Variants in CSMD3 observed in about 807,000 individuals in gnomAD.
The protein encoded by CSMD3 is CUB and sushi domain-containing protein 3.
CSMD3 carries 177 observed loss-of-function variants against 435.2 expected under a neutral mutation model. The observed-to-expected ratio is 0.41, with a 90% CI of 0.36 to 0.46. CSMD3 has a LOEUF of 0.46. Ranked by LOEUF, CSMD3 falls within the 20% of genes least tolerant of loss-of-function variation. The pLI, the probability that CSMD3 is intolerant of heterozygous loss-of-function variation, is 0.34. For synonymous variants in CSMD3, 1,656 were observed against 1,520.5 expected (o/e 1.09, Z -2.07); for missense variants, 4,265 against 4,504.6 (o/e 0.95, Z 1.52).
At chr8:113,101,871 A>AT (rs2090341077) in intron 4 of CSMD3, among the ~76,000 whole-genome samples, 1 of 152,084 alleles carries the variant, frequency 6.6e-6, no homozygotes, top group African/African-American at 2.4e-5. Flanking sequence ...ATTAAAAAAA[A>AT]TTTTGGTTTG....
intron 7 of CSMD3, among the ~76,000 whole-genome samples, chr8:112,957,646 T>C (rs1015788397): frequency 6.6e-6 from 1 of 152,166 alleles, no homozygotes; most frequent in Non-Finnish European, 1.5e-5. Flanking sequence ...AGACGGAGTT[T>C]AGCCGTGTTG....
chr8:112,999,048 C>T (rs959823233), intron 6 of CSMD3, among the ~76,000 whole-genome samples: 4 of 151,902 alleles, frequency 2.6e-5, no homozygotes, highest in East Asian at 1.9e-4. Flanking sequence ...ACCATTCTAT[C>T]TCTTCAATTT....
chr8:112,993,647 A>C (rs2085536069), intron 6 of CSMD3, among the ~76,000 whole-genome samples: 1 of 151,828 alleles, frequency 6.6e-6, no homozygotes, highest in East Asian at 1.9e-4. Context: ...TAAACCCATA[A>C]ATTAACAAAG....
At chr8:112,783,473 G>A (rs1277344660) in intron 13 of CSMD3, among the ~76,000 whole-genome samples, 1 of 104,486 alleles carries the variant, frequency 9.6e-6, no homozygotes, top group African/African-American at 3.8e-5. Context: ...AAGGAAGGAA[G>A]GAAGGAAGGG....
At chr8:112,293,265 G>A (rs1336405440) in intron 54 of CSMD3, among the ~76,000 whole-genome samples, 4 of 152,030 alleles carry the variant, frequency 2.6e-5, no homozygotes, top group Non-Finnish European at 4.4e-5. Context: ...CTCCAGACTA[G>A]ATGACAGAAT....
chr8:112,957,751 T>C (rs576837379), intron 7 of CSMD3, among the ~76,000 whole-genome samples: 1 of 133,362 alleles, frequency 7.5e-6, no homozygotes, highest in African/African-American at 2.8e-5. Context: ...CCGGGCGTGT[T>C]TGTGTGTTTT....
chr8:113,215,560 C>T (rs565046233), intron 3 of CSMD3, among the ~76,000 whole-genome samples: 5 of 151,844 alleles, frequency 3.3e-5, no homozygotes, highest in African/African-American at 7.2e-5. Flanking sequence ...TTCAGACAGA[C>T]TTTGGATCAT....
intron 7 of CSMD3, among the ~76,000 whole-genome samples, chr8:112,964,507 A>C (rs1235205183): frequency 1.3e-5 from 2 of 151,978 alleles, no homozygotes; most frequent in African/African-American, 4.8e-5. Flanking sequence ...ATAATACTTT[A>C]TTTTAAAGGT....
At chr8:112,662,471 T>C (rs1211104034) in intron 17 of CSMD3, among the ~76,000 whole-genome samples, 2 of 152,058 alleles carry the variant, frequency 1.3e-5, no homozygotes, top group African/African-American at 4.8e-5. Context: ...GCTAGCCATA[T>C]GTAGAAAGCT....
intron 3 of CSMD3, among the ~76,000 whole-genome samples, chr8:113,231,935 A>T (rs1007606965): frequency 6.6e-6 from 1 of 151,460 alleles, no homozygotes; most frequent in Admixed American, 6.6e-5. Context: ...ATTAGAAGTA[A>T]TTTTTTCCCC....
Position 112,484,514 on chromosome 8 carries a change from C to CAT in CSMD3, c.5278+7973_5278+7974dup, listed in dbSNP as rs562521052. Among the ~76,000 whole-genome samples, 727 of 149,474 alleles carry CAT rather than the reference C, an allele frequency of 4.9e-3. 4 individuals carry two copies. The highest frequency in any genetic ancestry group is 9.6e-3 in the African/African-American group (393 of 41,104). On this transcript the variant is annotated intron_variant, in intron 31 of 70. Coordinates refer to ENST00000297405, the MANE Select transcript of CSMD3 (RefSeq NM_198123.2). ...ACACCCACACACACACACACACACA[C>CAT]ATATATATATATGGTCCAGTAAAAC... is the stretch of plus-strand genomic sequence containing the variant.
In CSMD3 at chr8:112,319,855, T is replaced by C. The variant is rs750243536; in HGVS notation, c.7246+46A>G. 4.4e-6 allele frequency: 6 copies of C among 1,354,898 alleles called. No individual in the cohort carries two copies. In the East Asian group the frequency reaches 1.4e-4, roughly 31 times the overall value. 83.9% of individuals were successfully genotyped at this position (1,354,898 alleles called of 1,614,324 possible). On this transcript the variant is annotated intron_variant, in intron 46 of 70. Coordinates refer to ENST00000297405, the MANE Select transcript of CSMD3 (RefSeq NM_198123.2). ...TTTTGGCTTATTTTTAAGCAAATAG[T>C]TCTGCCAGCAGTATGTTTTCCTTGA... is the stretch of plus-strand genomic sequence containing the variant.
At chr8:112,482,994 T>C (rs748196275) in intron 31 of CSMD3, among the ~76,000 whole-genome samples, 6 of 152,192 alleles carry the variant, frequency 3.9e-5, no homozygotes, top group Non-Finnish European at 8.8e-5. Context: ...ATACTATTTG[T>C]ATCTCTGGAG....
At chr8:113,036,611 T>A (rs1587938773) in intron 5 of CSMD3, among the ~76,000 whole-genome samples, 1 of 152,054 alleles carries the variant, frequency 6.6e-6, no homozygotes, top group African/African-American at 2.4e-5. Context: ...CTAGAAAAGG[T>A]GCAATTCAAT....
intron 32 of CSMD3, among the ~76,000 whole-genome samples, chr8:112,424,205 C>T (rs905975277): frequency 6.6e-6 from 1 of 152,002 alleles, no homozygotes; most frequent in Non-Finnish European, 1.5e-5. Context: ...AAGCCCAGAT[C>T]GACGGCCAAT....
chr8:112,227,007 C>T (rs1362278003), intron 70 of CSMD3, among the ~76,000 whole-genome samples: 4 of 152,126 alleles, frequency 2.6e-5, no homozygotes, highest in Non-Finnish European at 5.9e-5. Flanking sequence ...GTACAGAACA[C>T]CTTGATGGTT....
chr8:112,405,567 A>G (rs941642809), intron 35 of CSMD3, among the ~76,000 whole-genome samples: 6 of 151,668 alleles, frequency 4.0e-5, no homozygotes, highest in African/African-American at 1.5e-4. Flanking sequence ...TATACATTCT[A>G]TTTACCAATG....
intron 9 of CSMD3, among the ~76,000 whole-genome samples, chr8:112,927,332 C>T (rs1190003702): frequency 1.3e-5 from 2 of 152,016 alleles, no homozygotes; most frequent in Non-Finnish European, 2.9e-5. Context: ...AATTCTAGTT[C>T]TTCTCAAATT....
chr8:112,293,089 T>C (rs779930919), intron 54 of CSMD3, among the ~76,000 whole-genome samples: 4 of 151,876 alleles, frequency 2.6e-5, no homozygotes, highest in Non-Finnish European at 5.9e-5. Flanking sequence ...CCATACCTAA[T>C]AGCAGAAAAG....
Sources: gnomAD v4.1 joint callset for allele counts (sites outside exome capture counted in the v4.1 genomes callset) on GRCh38, gnomAD v4.1.1 for gene constraint, MANE v1.5 for transcripts, NCBI Gene and HGNC (gene_info 2026-07-23, HGNC 2026-07-21) for gene names.